The following MAP4K3 variants were observed in gnomAD, a reference collection of about 807,000 sequenced individuals.
MAP4K3 encodes the protein mitogen-activated protein kinase kinase kinase kinase 3, also known as MAPK/ERK kinase kinase kinase 3.
MAP4K3 carries 94 observed loss-of-function variants against 143.5 expected under a neutral mutation model. That is an observed-to-expected ratio of 0.65 (90% CI 0.55 to 0.78). The LOEUF (loss-of-function observed/expected upper bound fraction) is 0.78, where lower values mean the gene tolerates loss of function less well. MAP4K3 is among the 30% of genes least tolerant of loss of function. The pLI is 0.00. For synonymous variants in MAP4K3, 416 were observed against 347.2 expected (o/e 1.20, Z -2.20); for missense variants, 1,077 against 1,068.1 (o/e 1.01, Z -0.12).
intron 13 of MAP4K3, among the ~76,000 whole-genome samples, chr2:39,312,662 T>C (rs750806553): frequency 2.6e-5 from 4 of 152,320 alleles, no homozygotes; most frequent in Non-Finnish European, 2.9e-5. Context: ...AGATATCAAA[T>C]GGCCCTTAGA....
At chr2:39,346,463 T>C (rs1485231194) in intron 3 of MAP4K3, among the ~76,000 whole-genome samples, 2 of 152,256 alleles carry the variant, frequency 1.3e-5, no homozygotes, top group African/African-American at 4.8e-5. Context: ...CCTTTGTTTT[T>C]GACAGGTGTC....
intron 1 of MAP4K3, among the ~76,000 whole-genome samples, chr2:39,397,226 C>T (rs1666833504): frequency 6.6e-6 from 1 of 152,112 alleles, no homozygotes; most frequent in Non-Finnish European, 1.5e-5. Context: ...TCACCAACTC[C>T]ATAAAATGTG....
chr2:39,427,694 A>T (rs1665137891), intron 1 of MAP4K3, among the ~76,000 whole-genome samples: 1 of 152,196 alleles, frequency 6.6e-6, no homozygotes, highest in African/African-American at 2.4e-5. Flanking sequence ...TTCTAAATCA[A>T]TAGAGATGAA....
At chr2:39,418,487 CTT>C (rs1305512438) in intron 1 of MAP4K3, among the ~76,000 whole-genome samples, 2 of 152,164 alleles carry the variant, frequency 1.3e-5, no homozygotes, top group African/African-American at 4.8e-5. Flanking sequence ...CTTCTTACCT[CTT>C]GAGTGTGGCG....
At chr2:39,404,050 C>T (rs574111787) in intron 1 of MAP4K3, among the ~76,000 whole-genome samples, 4 of 151,838 alleles carry the variant, frequency 2.6e-5, no homozygotes, top group Non-Finnish European at 5.9e-5. Flanking sequence ...ACTAAAGAGC[C>T]CTTGGGCCCT....
chr2:39,384,632 T>C (rs931385218), intron 1 of MAP4K3, among the ~76,000 whole-genome samples: 4 of 152,238 alleles, frequency 2.6e-5, no homozygotes, highest in Non-Finnish European at 1.5e-5. Flanking sequence ...GTATCTGCAA[T>C]ATCCAATACA....
Position 39,272,532 on chromosome 2 carries a change from C to A in MAP4K3, c.1805G>T (p.Arg602Leu), listed in dbSNP as rs781301191. The change falls in exon 25 of 34, where the codon CGA (arginine) becomes CTA (leucine). Residue 602 changes from arginine to leucine, a missense_variant. Around this residue, in one of 2 missense-constraint regions of MAP4K3, gnomAD observed 864 missense variants for 801.2 expected, o/e 1.08. Transcript: ENST00000263881. The part of the protein sequence containing the change: ...HETSMEQLFP[R>L]RCTWLYVMNN... ...CATTACATACAACCATGTACACCTT[C>A]GAGGGAATAGCTGATTAAAAAAAGG... 6.2e-7 allele frequency: 1 copy of A among 1,612,914 alleles called. No homozygotes were observed. Among genetic ancestry groups the A allele is most frequent in the South Asian group, 1.1e-5 (1 of 90,972 alleles).
At chr2:39,382,506 CA>C (rs1237224165) in intron 1 of MAP4K3, among the ~76,000 whole-genome samples, 2 of 152,194 alleles carry the variant, frequency 1.3e-5, no homozygotes, top group Non-Finnish European at 2.9e-5. Context: ...CCTCTGCCCA[CA>C]ATTTAATAAC....
chr2:39,280,165 T>A, intron 23 of MAP4K3, 107 bp downstream of exon 23: 1 of 617,658 alleles, frequency 1.6e-6, no homozygotes, highest in Non-Finnish European at 2.7e-6. Context: ...ATAACAAAAC[T>A]TTTTTTCCCC....
At position 39,260,686 on chromosome 2, in the gene MAP4K3, C is replaced by A. The variant is rs564131982; in HGVS notation, c.2228G>T (p.Ser743Ile). Residue 743 changes from serine to isoleucine, a missense_variant, in exon 29 of 34, where the codon AGT becomes ATT. Ser to Ile is a moderately radical substitution (Grantham distance 142). Coordinates refer to ENST00000263881, the MANE Select transcript of MAP4K3 (RefSeq NM_003618.4). The part of the protein sequence containing the change: ...QEYPLVCVGV[S>I]RGRDFNQVVR... ...CACTTGGTTGAAGTCTCTACCTCTA[C>A]TGACACCAACACAAACTAAAGGGTA... The A allele has an allele frequency of 2.5e-5, 40 of 1,613,834 alleles. 1 individual carries two copies. The South Asian group carries it at 3.8e-4, about 16-fold the overall frequency.
At chr2:39,387,815 A>C (rs1036194581) in intron 1 of MAP4K3, among the ~76,000 whole-genome samples, 2 of 152,218 alleles carry the variant, frequency 1.3e-5, no homozygotes, top group Admixed American at 6.5e-5. Context: ...TCTTAAGTTA[A>C]CTTGAATGGC....
At chr2:39,377,562 G>A (rs116483429) in intron 2 of MAP4K3, among the ~76,000 whole-genome samples, 1,665 of 152,242 alleles carry the variant, frequency 0.011, 8 homozygotes, top group Non-Finnish European at 0.018. Context: ...ACAATAAGCT[G>A]CTCAATTTGG....
intron 1 of MAP4K3, among the ~76,000 whole-genome samples, chr2:39,429,625 C>CT (rs1329807015): frequency 6.6e-6 from 1 of 152,140 alleles, no homozygotes; most frequent in Non-Finnish European, 1.5e-5. Flanking sequence ...CTCTTTTCCT[C>CT]TTTTTGCAAT....
intron 1 of MAP4K3, among the ~76,000 whole-genome samples, chr2:39,385,723 G>A (rs1316559939): frequency 3.3e-5 from 5 of 150,280 alleles, no homozygotes; most frequent in Non-Finnish European, 4.4e-5. Flanking sequence ...TCCGCCTCCC[G>A]GGTTCAAGCG....
rs1475917817 is a variant in MAP4K3, at chr2:39,291,111, A to C, written c.1272-777T>G. ...AACCAATAATGTGTTATTTAGTTGC[A>C]AATAGTTAGAAGGAGGATATTGAAT... On this transcript the variant is annotated intron_variant, in intron 18 of 33. Coordinates refer to ENST00000263881, the MANE Select transcript of MAP4K3 (RefSeq NM_003618.4). Among the ~76,000 whole-genome samples the C allele has an allele frequency of 8.5e-5, 13 of 152,306 alleles. No homozygotes were observed. The South Asian group carries it at 1.9e-3, about 22-fold the overall frequency.
Position 39,409,271 on chromosome 2 carries a change from A to G in MAP4K3, c.96+27621T>C, listed in dbSNP as rs139855471. ...TATAAGAAATACACGTTAATTAACT[A>G]TTTATATTATCAGTAAGACCTCTGG... On this transcript the variant is annotated intron_variant, in intron 1 of 33. Transcript: ENST00000263881. 1.8e-3 allele frequency among the ~76,000 whole-genome samples: 277 copies of G among 152,332 alleles called. 1 individual carries two copies. Among genetic ancestry groups the G allele is most frequent in the African/African-American group, 6.1e-3 (252 of 41,586 alleles).
intron 15 of MAP4K3, among the ~76,000 whole-genome samples, chr2:39,304,243 T>C (rs1682612962): frequency 1.3e-5 from 2 of 152,020 alleles, no homozygotes; most frequent in South Asian, 4.1e-4. Flanking sequence ...ATAAAAACAG[T>C]TGGCATTTAA....
chr2:39,381,723 TA>T (rs1429977360), intron 1 of MAP4K3, among the ~76,000 whole-genome samples: 2 of 152,226 alleles, frequency 1.3e-5, no homozygotes, highest in Non-Finnish European at 2.9e-5. Context: ...TACCACATTT[TA>T]ATCTGGCCCC....
At chr2:39,292,876 A>T (rs1188096109) in intron 17 of MAP4K3, 50 bp from the exon 18 acceptor site, 2 of 1,483,308 alleles carry the variant, frequency 1.3e-6, no homozygotes, top group African/African-American at 2.8e-5. Context: ...TTACCAAAAC[A>T]GTAAGAAGAA....
Sources: allele counts gnomAD v4.1 joint callset (sites outside exome capture counted in the v4.1 genomes callset), GRCh38; gene constraint gnomAD v4.1.1; regional missense constraint gnomAD v4.1.1; transcripts MANE v1.5; gene names NCBI Gene and HGNC (gene_info 2026-07-23, HGNC 2026-07-21).